Variants in PCYOX1 observed in about 807,000 individuals in gnomAD.
The protein encoded by PCYOX1 is prenylcysteine oxidase 1, also known as prenylcysteine lyase.
PCYOX1 carries 46 observed loss-of-function variants against 46.4 expected under a neutral mutation model. The observed-to-expected ratio is 0.99, with a 90% confidence interval of 0.78 to 1.27. PCYOX1 has a LOEUF of 1.27. PCYOX1 is among the 50% of genes most tolerant of loss of function. The pLI is 0.00. For missense variants in PCYOX1, 658 were observed against 628.3 expected, an observed-to-expected ratio of 1.05 and a Z score of -0.51; for synonymous variants, 220 against 231.8, an observed-to-expected ratio of 0.95 and a Z score of 0.46.
chr2:70,269,668 G>A (rs1696574807), intron 3 of PCYOX1, among the ~76,000 whole-genome samples: 1 of 152,008 alleles, frequency 6.6e-6, no homozygotes, highest in Admixed American at 6.6e-5. Context: ...TCAGCCTCTT[G>A]TAGTCTCTAT....
At position 70,276,973 on chromosome 2, in the gene PCYOX1, C is replaced by T; in HGVS notation, c.1099C>T (p.Leu367Phe). 6.2e-7 allele frequency: 1 copy of T among 1,613,718 alleles called. No homozygotes were observed. ...FSSRPIDKFG[L>F]NTVLTTDNSD... ...CTCTAGACCCATAGATAAATTTGGC[C>T]TTAATACAGTTTTAACCACTGATAA... Residue 367 changes from leucine to phenylalanine, a missense_variant, in exon 6 of 6, where the codon CTT (leucine) becomes TTT (phenylalanine). By Grantham distance (22) the Leu-to-Phe change is conservative (BLOSUM62 0). Transcript: ENST00000433351.
In PCYOX1 at chr2:70,277,095, C is replaced by A; in HGVS notation, c.1221C>A (p.Ile407=). 1 of 1,614,080 alleles carries A rather than the reference C, an allele frequency of 6.2e-7. No individual in the cohort carries two copies. Among genetic ancestry groups the A allele is most frequent in the Non-Finnish European group, 8.5e-7 (1 of 1,179,932 alleles). Reference sequence around the variant, plus strand: ...CAGATGGAACATATGTTTGGAAGATCTTTTCCCAAGAAACTCTTACTAAAG... The same window carrying A: ...CAGATGGAACATATGTTTGGAAGATATTTTCCCAAGAAACTCTTACTAAAG... The part of the protein sequence containing the change: ...PSTDGTYVWK[I]FSQETLTKAQ... Residue 407 remains isoleucine (I), a synonymous_variant, in exon 6 of 6, where the codon ATC becomes ATA. Transcript: ENST00000433351.
chr2:70,258,749 G>C (rs12615979), intron 1 of PCYOX1, among the ~76,000 whole-genome samples: 12,525 of 152,250 alleles, frequency 0.082, 537 homozygotes, highest in East Asian at 0.18. Flanking sequence ...AGGCTGAACC[G>C]CCTTCCCCCA....
At chr2:70,266,568 A>G (rs993078200) in intron 3 of PCYOX1, among the ~76,000 whole-genome samples, 1 of 151,988 alleles carries the variant, frequency 6.6e-6, no homozygotes, top group Non-Finnish European at 1.5e-5. Flanking sequence ...GCGGATAAAC[A>G]TGTGAACAAA....
At position 70,275,053 on chromosome 2, in the gene PCYOX1, C is replaced by T. The variant is rs948077676; in HGVS notation, c.589C>T (p.Arg197Ter). The T allele has an allele frequency of 1.2e-5, 20 of 1,613,476 alleles. No individual in the cohort carries two copies. Among genetic ancestry groups the T allele is most frequent in the Middle Eastern group, 1.6e-4 (1 of 6,084 alleles). ...GGDDFLGMLN[R>*]TLLETLQKAG... ...AGATGACTTCCTTGGAATGCTTAAT[C>T]GAACACTTCTTGAAACCTTGCAAAA... Residue 197 changes from arginine to a stop codon, truncating the protein, a stop_gained, in exon 4 of 6, where the codon CGA becomes TGA. Coordinates refer to ENST00000433351, the MANE Select transcript of PCYOX1 (RefSeq NM_016297.4). LOFTEE classifies it high-confidence loss of function.
intron 3 of PCYOX1, among the ~76,000 whole-genome samples, chr2:70,263,665 C>CTTT (rs111364386): frequency 2.1e-5 from 3 of 144,858 alleles, no homozygotes; most frequent in African/African-American, 7.6e-5. Context: ...CTTTTCTTTT[C>CTTT]TTTTTTTTTT....
At chr2:70,266,647 A>G (rs987365202) in intron 3 of PCYOX1, among the ~76,000 whole-genome samples, 3 of 151,872 alleles carry the variant, frequency 2.0e-5, no homozygotes, top group African/African-American at 7.3e-5. Flanking sequence ...GGTACTTGAG[A>G]TTAGGGAGTG....
chr2:70,271,704 A>G (rs1265728290), intron 3 of PCYOX1, among the ~76,000 whole-genome samples: 3 of 152,132 alleles, frequency 2.0e-5, no homozygotes, highest in Non-Finnish European at 4.4e-5. Flanking sequence ...ACCGTATCCA[A>G]TGTTTGTAAT....
intron 3 of PCYOX1, among the ~76,000 whole-genome samples, chr2:70,265,634 C>T (rs188014472): frequency 4.4e-4 from 67 of 152,268 alleles, no homozygotes; most frequent in African/African-American, 1.6e-3. Flanking sequence ...TTCTATGCTA[C>T]GCACAGTAAC....
At chr2:70,275,469 T>C (rs1172614944) in intron 4 of PCYOX1, 45 bp from the exon 5 acceptor site, 5 of 1,596,304 alleles carry the variant, frequency 3.1e-6, no homozygotes, top group Non-Finnish European at 2.6e-6. Flanking sequence ...AGAGAGCCTC[T>C]TACAAAAAGT....
At position 70,281,118 on chromosome 2, in the gene PCYOX1, T is replaced by TTTCTA. The variant is rs1696768793; in HGVS notation, c.*3727_*3731dup. ...TGGAATGTTTTTCTCTGGAATCCTC[T>TTTCTA]TTCTACTCTTGTATTAAAATTTTTC... is the stretch of plus-strand genomic sequence containing the variant. On this transcript the variant is annotated 3_prime_UTR_variant, in exon 6 of 6. Transcript: ENST00000433351. 1 of 152,328 alleles carries TTTCTA rather than the reference T, an allele frequency of 6.6e-6. No homozygotes were observed. Among genetic ancestry groups the TTTCTA allele is most frequent in the African/African-American group, 2.4e-5 (1 of 41,456 alleles). 9.4% of individuals were successfully genotyped at this position (152,328 alleles called of 1,614,324 possible). A position where few individuals can be genotyped will look rare whatever the true frequency, so the allele number is the denominator to read the frequency against.
At chr2:70,266,852 T>A (rs1359165767) in intron 3 of PCYOX1, among the ~76,000 whole-genome samples, 1 of 149,168 alleles carries the variant, frequency 6.7e-6, no homozygotes, top group Non-Finnish European at 1.5e-5. Context: ...TGGAGTCTCC[T>A]ATGTCCACCT....
chr2:70,277,050 G>A lies in PCYOX1; in HGVS notation c.1176G>A (p.Lys392=). The A allele has an allele frequency of 6.2e-7, 1 of 1,613,554 alleles. No individual in the cohort carries two copies. Among genetic ancestry groups the A allele is most frequent in the Non-Finnish European group, 8.5e-7 (1 of 1,179,516 alleles). The change falls in exon 6 of 6, where the codon AAG becomes AAA. Residue 392 remains lysine, a synonymous_variant. Transcript: ENST00000433351. The part of the protein sequence containing the change: ...SIGIVPSVRE[K]EDPEPSTDGT... ...GGATTGTGCCCTCTGTGAGAGAAAA[G>A]GAAGATCCTGAGCCATCAACAGATG...
chr2:70,268,097 C>T (rs1317185556), intron 3 of PCYOX1, among the ~76,000 whole-genome samples: 1 of 152,114 alleles, frequency 6.6e-6, no homozygotes, highest in African/African-American at 2.4e-5. Flanking sequence ...GTGTGAGCCA[C>T]TGCACCCGGC....
At chr2:70,263,659 T>C (rs888433800) in intron 3 of PCYOX1, among the ~76,000 whole-genome samples, 2 of 151,772 alleles carry the variant, frequency 1.3e-5, no homozygotes, top group African/African-American at 4.9e-5. Flanking sequence ...GTTTTTCTTT[T>C]CTTTTCTTTT....
Position 70,275,611 on chromosome 2 carries a change from T to C in PCYOX1, c.804T>C (p.Asn268=). The change falls in exon 5 of 6, where the codon AAT becomes AAC. Residue 268 remains asparagine (N), a synonymous_variant. Coordinates refer to ENST00000433351, the MANE Select transcript of PCYOX1 (RefSeq NM_016297.4). ...GGCTTCTGCAGGCATCCAAAAGCAATCTTATATCTGGCTCAGTAATGTACA... is the reference window on the plus strand; with the variant it reads ...GGCTTCTGCAGGCATCCAAAAGCAACCTTATATCTGGCTCAGTAATGTACA... ...CSGLLQASKS[N]LISGSVMYIE... 6.2e-7 allele frequency: 1 copy of C among 1,614,092 alleles called. No individual in the cohort carries two copies. The highest frequency in any genetic ancestry group is 8.5e-7 in the Non-Finnish European group (1 of 1,180,010).
At position 70,277,734 on chromosome 2, in the gene PCYOX1, T is replaced by TC. The variant is rs1203650020; in HGVS notation, c.*344dup. ...TCAGCCTGAGCAACACGAGCAAAAC[T>TC]CCGTCTCAAAAGTAAATAAAAATAA... On this transcript the variant is annotated 3_prime_UTR_variant, in exon 6 of 6. Coordinates refer to ENST00000433351, the MANE Select transcript of PCYOX1 (RefSeq NM_016297.4). 5.4e-6 allele frequency: 1 copy of TC among 184,740 alleles called. No homozygotes were observed. The highest frequency in any genetic ancestry group is 2.4e-5 in the African/African-American group (1 of 42,474). The allele number at this position is 184,740 out of a possible 1,614,324, so 11.4% of individuals were successfully genotyped here.
chr2:70,277,163 A>G lies in PCYOX1; in HGVS notation c.1289A>G (p.Lys430Arg). The change falls in exon 6 of 6, where the codon AAG becomes AGG. Residue 430 changes from lysine to arginine, a missense_variant. By Grantham distance (26) the Lys-to-Arg change is conservative. Coordinates refer to ENST00000433351, the MANE Select transcript of PCYOX1 (RefSeq NM_016297.4). The stretch of plus-strand genomic sequence containing the variant: ...TTTCTGTCCTATGATTATGCTGTGA[A>G]GAAGCCATGGCTTGCATATCCTCAC... ...KLFLSYDYAV[K>R]KPWLAYPHYK... is the part of the protein sequence containing the mutation. 1.2e-6 allele frequency: 2 copies of G among 1,614,142 alleles called. No homozygotes were observed. The highest frequency in any genetic ancestry group is 1.7e-6 in the Non-Finnish European group (2 of 1,179,990).
chr2:70,271,234 ATTTTTTT>A (rs374086458), intron 3 of PCYOX1, among the ~76,000 whole-genome samples: 2 of 127,858 alleles, frequency 1.6e-5, no homozygotes, highest in East Asian at 2.2e-4. Flanking sequence ...TGCCTGGCTA[ATTTTTTT>A]TTTTTTTTTT....
Sources: allele counts gnomAD v4.1 joint callset (sites outside exome capture counted in the v4.1 genomes callset), GRCh38; gene constraint gnomAD v4.1.1; transcripts MANE v1.5; gene names NCBI Gene and HGNC (gene_info 2026-07-23, HGNC 2026-07-21).